LARS2: variants seen among roughly 807,000 people sequenced by gnomAD.
LARS2 encodes the protein leucine--tRNA ligase, mitochondrial.
Under a neutral mutation model 116.6 loss-of-function variants are expected in LARS2, and 81 were observed. The observed-to-expected ratio is 0.69, with a 90% CI of 0.58 to 0.84. LARS2 has a LOEUF of 0.84. Ranked by LOEUF, LARS2 falls within the 40% of genes least tolerant of loss-of-function variation. The pLI is 0.00. For missense variants in LARS2, 968 were observed against 1,114.5 expected (o/e 0.87, Z 1.87); for synonymous variants, 396 against 407.2 (o/e 0.97, Z 0.33).
chr3:45,454,940 T>G (rs1699190184), intron 7 of LARS2, among the ~76,000 whole-genome samples: 1 of 152,092 alleles, frequency 6.6e-6, no homozygotes, highest in Non-Finnish European at 1.5e-5. Context: ...CGACTCCAAA[T>G]TTAACCACTT....
intron 8 of LARS2, among the ~76,000 whole-genome samples, chr3:45,470,644 C>G (rs374587131): frequency 1.3e-5 from 2 of 152,242 alleles, no homozygotes; most frequent in East Asian, 3.9e-4. Flanking sequence ...AATTCATTAT[C>G]TTGGATCTGC....
chr3:45,412,760 G>A (rs568405888), intron 4 of LARS2, among the ~76,000 whole-genome samples: 2 of 152,306 alleles, frequency 1.3e-5, no homozygotes, highest in African/African-American at 4.8e-5. Flanking sequence ...CAGCAAGCTT[G>A]AGAGGTCCAC....
chr3:45,491,926 A>G, intron 13 of LARS2, 126 bp downstream of exon 13: 1 of 930,512 alleles, frequency 1.1e-6, no homozygotes, highest in East Asian at 2.6e-5. Flanking sequence ...TGAGGCTGGA[A>G]AGAACACTGT....
intron 8 of LARS2, among the ~76,000 whole-genome samples, chr3:45,471,514 G>A (rs1301628085): frequency 3.3e-5 from 5 of 152,100 alleles, no homozygotes; most frequent in Non-Finnish European, 5.9e-5. Flanking sequence ...CAGCCTTGAC[G>A]ATTACATCTA....
Position 45,547,681 on chromosome 3 carries a change from G to A in LARS2, c.*151G>A. The A allele has an allele frequency of 1.4e-6, 1 of 689,860 alleles. No individual in the cohort carries two copies. The highest frequency in any genetic ancestry group is 2.4e-6 in the Non-Finnish European group (1 of 415,812). 42.7% of individuals were successfully genotyped at this position (689,860 alleles called of 1,614,324 possible). A position where few individuals can be genotyped will look rare whatever the true frequency, so the allele number is the denominator to read the frequency against. ...CCTGTGGCAGACTGCAGTCAACAGT[G>A]TGCCTCTGTAGTGTGGCCTGGTGCT... is the stretch of plus-strand genomic sequence containing the variant. On this transcript the variant is annotated 3_prime_UTR_variant, in exon 22 of 22. Coordinates refer to ENST00000645846, the MANE Select transcript of LARS2 (RefSeq NM_015340.4).
chr3:45,412,470 G>A (rs1698346540), intron 4 of LARS2, among the ~76,000 whole-genome samples: 1 of 152,232 alleles, frequency 6.6e-6, no homozygotes, highest in African/African-American at 2.4e-5. Flanking sequence ...TCATTGACGA[G>A]TAGTGACCAG....
chr3:45,391,893 G>A (rs954600316), intron 2 of LARS2, among the ~76,000 whole-genome samples: 1 of 152,166 alleles, frequency 6.6e-6, no homozygotes, highest in African/African-American at 2.4e-5. Flanking sequence ...AGCAGTTCAA[G>A]TCACTGTATT....
At chr3:45,454,768 T>C (rs1699187263) in intron 7 of LARS2, among the ~76,000 whole-genome samples, 1 of 152,144 alleles carries the variant, frequency 6.6e-6, no homozygotes, top group South Asian at 2.1e-4. Flanking sequence ...TCCAAGTAAA[T>C]GTTCAAAATA....
At chr3:45,487,112 A>G (rs1168303789) in intron 11 of LARS2, among the ~76,000 whole-genome samples, 1 of 152,212 alleles carries the variant, frequency 6.6e-6, no homozygotes, top group Non-Finnish European at 1.5e-5. Flanking sequence ...CAACATGACT[A>G]CCACCATGGC....
At chr3:45,455,079 C>A (rs1699192146) in intron 7 of LARS2, among the ~76,000 whole-genome samples, 2 of 151,444 alleles carry the variant, frequency 1.3e-5, no homozygotes, top group Admixed American at 6.6e-5. Context: ...TTTCCCCCTT[C>A]CCCCCAAGTC....
At position 45,496,391 on chromosome 3, in the gene LARS2, A is replaced by T. The variant is rs771500541; in HGVS notation, c.1622+18A>T. On this transcript the variant is annotated intron_variant, in intron 14 of 21. Transcript: ENST00000645846. The stretch of plus-strand genomic sequence containing the variant: ...CCACACAGGTAAAACGTCCCTGCTG[A>T]TGTCTTTGAGCATTTGTCAGTGTGG... 3 of 1,574,642 alleles carry T rather than the reference A, an allele frequency of 1.9e-6. No individual in the cohort carries two copies. Among genetic ancestry groups the T allele is most frequent in the South Asian group, 2.2e-5 (2 of 90,240 alleles).
At chr3:45,532,328 T>C (rs926593772) in intron 20 of LARS2, among the ~76,000 whole-genome samples, 1 of 152,242 alleles carries the variant, frequency 6.6e-6, no homozygotes, top group Non-Finnish European at 1.5e-5. Context: ...TAATGCCTAT[T>C]GTCCAGTTGT....
intron 4 of LARS2, among the ~76,000 whole-genome samples, chr3:45,412,301 C>G (rs1247020154): frequency 6.6e-6 from 1 of 150,478 alleles, no homozygotes; most frequent in Admixed American, 6.6e-5. Flanking sequence ...AATTTACGCT[C>G]CCACCAAGAG....
intron 20 of LARS2, among the ~76,000 whole-genome samples, chr3:45,527,481 T>A (rs773397988): frequency 5.3e-5 from 8 of 152,100 alleles, no homozygotes; most frequent in Middle Eastern, 6.8e-3. Flanking sequence ...AAAATTAGCC[T>A]GGCATGGTGG....
intron 4 of LARS2, among the ~76,000 whole-genome samples, chr3:45,410,603 G>A (rs768077279): frequency 3.9e-5 from 6 of 152,180 alleles, no homozygotes; most frequent in Non-Finnish European, 7.4e-5. Flanking sequence ...GGTCCTTGAA[G>A]TACATCAATT....
chr3:45,465,950 G>A (rs1448936512), intron 8 of LARS2, among the ~76,000 whole-genome samples: 2 of 152,208 alleles, frequency 1.3e-5, no homozygotes, highest in Non-Finnish European at 1.5e-5. Context: ...ATGTACTCCA[G>A]ATGTATGAGA....
At chr3:45,389,845 G>A (rs1697910187) in intron 1 of LARS2, among the ~76,000 whole-genome samples, 1 of 152,190 alleles carries the variant, frequency 6.6e-6, no homozygotes, top group South Asian at 2.1e-4. Context: ...CAGTCCATCA[G>A]GGCTTTGGTG....
intron 14 of LARS2, 22 bp from the exon 15 acceptor site, chr3:45,500,420 T>C: frequency 6.3e-7 from 1 of 1,594,280 alleles, no homozygotes; most frequent in Non-Finnish European, 8.5e-7. Flanking sequence ...TTTTTAAAAA[T>C]GCCTCCATCT....
intron 8 of LARS2, among the ~76,000 whole-genome samples, chr3:45,462,073 A>G (rs992929922): frequency 1.3e-5 from 2 of 152,182 alleles, no homozygotes; most frequent in African/African-American, 4.8e-5. Context: ...TGAGATGTTG[A>G]ATCAGTTAGT....
Sources: gnomAD v4.1 joint callset for allele counts (sites outside exome capture counted in the v4.1 genomes callset) on GRCh38, gnomAD v4.1.1 for gene constraint, MANE v1.5 for transcripts, NCBI Gene and HGNC (gene_info 2026-07-23, HGNC 2026-07-21) for gene names.